POR: variants seen among roughly 807,000 people sequenced by gnomAD.
POR encodes the protein NADPH--cytochrome P450 reductase.
POR carries 56 observed loss-of-function variants against 84.0 expected under a neutral mutation model. The ratio of observed to expected loss-of-function variants is 0.67; its 90% CI spans 0.54 to 0.83. POR has a LOEUF of 0.83. Among genes scored for constraint, POR ranks in the 40% least tolerant of loss-of-function variants. The probability of loss-of-function intolerance (pLI) is 0.00; values close to 1 mark genes in which losing one functional copy is unlikely to be tolerated. For synonymous variants in POR, 414 were observed against 400.5 expected, an observed-to-expected ratio of 1.03 and a Z score of -0.40; for missense variants, 938 against 944.3, an observed-to-expected ratio of 0.99 and a Z score of 0.09.
At chr7:75,970,414 C>T (rs1441634697) in intron 2 of POR, among the ~76,000 whole-genome samples, 23 of 150,628 alleles carry the variant, frequency 1.5e-4, no homozygotes, top group Non-Finnish European at 5.9e-5. Context: ...GTGAGATCAT[C>T]GCCCACTGCA....
chr7:75,972,520 A>G, intron 3 of POR, 59 bp downstream of exon 3: 2 of 1,479,810 alleles, frequency 1.4e-6, no homozygotes, highest in Non-Finnish European at 1.9e-6. Context: ...TGGGCATGTA[A>G]TCAAGTCTAG....
chr7:75,983,351 A>AG, intron 8 of POR, 169 bp from the exon 9 acceptor site: 1 of 568,752 alleles, frequency 1.8e-6, no homozygotes. Context: ...AAAAAAAAAA[A>AG]AGAGAACTGC....
chr7:75,958,645 T>G (rs782445296), intron 2 of POR, among the ~76,000 whole-genome samples: 12 of 152,064 alleles, frequency 7.9e-5, no homozygotes, highest in Non-Finnish European at 1.5e-4. Flanking sequence ...GCTCCTAATT[T>G]AGTGTTAATA....
chr7:75,984,059 C>T (rs1789252695), intron 10 of POR, among the ~76,000 whole-genome samples: 1 of 152,198 alleles, frequency 6.6e-6, no homozygotes, highest in Admixed American at 6.5e-5. Flanking sequence ...TCGGGGTTCC[C>T]CCTACCCCGT....
chr7:75,973,360 C>T (rs1554556443), intron 3 of POR, among the ~76,000 whole-genome samples: 1 of 152,178 alleles, frequency 6.6e-6, no homozygotes, highest in Non-Finnish European at 1.5e-5. Flanking sequence ...GTTGCCCAGG[C>T]TGGAGTGCAG....
intron 1 of POR, chr7:75,923,411 G>A: frequency 3.0e-6 from 2 of 677,776 alleles, no homozygotes; most frequent in African/African-American, 1.8e-5. Context: ...TCTTGGGGGT[G>A]TGTGCATCAA....
At chr7:75,969,567 C>T (rs1255846465) in intron 2 of POR, among the ~76,000 whole-genome samples, 4 of 152,214 alleles carry the variant, frequency 2.6e-5, no homozygotes, top group Admixed American at 2.0e-4. Context: ...CTGGAGTTTG[C>T]TCTTGTCCTT....
At chr7:75,920,752 T>C (rs534586508) in intron 1 of POR, among the ~76,000 whole-genome samples, 1 of 152,244 alleles carries the variant, frequency 6.6e-6, no homozygotes, top group East Asian at 1.9e-4. Flanking sequence ...TAGGAACACG[T>C]GAACTACGGT....
chr7:75,972,787 C>T (rs1403299985), intron 3 of POR: 3 of 379,794 alleles, frequency 7.9e-6, no homozygotes, highest in African/African-American at 2.1e-5. Context: ...GAGCTGCGGT[C>T]GTGGCACCAC....
At chr7:75,960,687 A>G (rs1363896310) in intron 2 of POR, among the ~76,000 whole-genome samples, 1 of 151,956 alleles carries the variant, frequency 6.6e-6, no homozygotes, top group Non-Finnish European at 1.5e-5. Flanking sequence ...ACAACACCGC[A>G]TGGCGTGCCC....
In POR at chr7:75,986,193, A is replaced by G. The variant is rs369733862; in HGVS notation, c.1850A>G (p.Glu617Gly). 1 of 1,612,378 alleles carries G rather than the reference A, an allele frequency of 6.2e-7. No individual in the cohort carries two copies. Among genetic ancestry groups the G allele is most frequent in the Non-Finnish European group, 8.5e-7 (1 of 1,179,720 alleles). The change falls in exon 15 of 16, where the codon GAG becomes GGG. Residue 617 changes from glutamate (E) to glycine (G), a missense_variant. Coordinates refer to ENST00000461988, the MANE Select transcript of POR (RefSeq NM_000941.3). Reference sequence around the variant, plus strand: ...CAGCACCTGCTAAAGCAAGACCGAGAGCACCTGTGGAAGTTGATCGAAGGC... The same window carrying G: ...CAGCACCTGCTAAAGCAAGACCGAGGGCACCTGTGGAAGTTGATCGAAGGC...
At position 75,986,594 on chromosome 7, in the gene POR, AGT is replaced by A; in HGVS notation, c.*115_*116del. On this transcript the variant is annotated 3_prime_UTR_variant, in exon 16 of 16. Transcript: ENST00000461988. ...TTGGCCTTGGCATGGGCGCAGGCCC[AGT>A]GACAAAGACTCCTCTGGGCCTGGGG... The A allele has an allele frequency of 7.4e-7, 1 of 1,356,388 alleles. No individual in the cohort carries two copies. The highest frequency in any genetic ancestry group is 1.0e-6 in the Non-Finnish European group (1 of 1,002,296). 84.0% of individuals were successfully genotyped at this position (1,356,388 alleles called of 1,614,324 possible). A position where few individuals can be genotyped will look rare whatever the true frequency, so the allele number is the denominator to read the frequency against.
At chr7:75,972,316 A>G (rs1554556263) in intron 2 of POR, 97 bp from the exon 3 acceptor site, 1 of 1,084,106 alleles carries the variant, frequency 9.2e-7, no homozygotes. Flanking sequence ...CTGCCACAGC[A>G]TCCCATGAAA....
intron 2 of POR, among the ~76,000 whole-genome samples, chr7:75,965,867 C>T (rs782156508): frequency 6.6e-6 from 1 of 152,112 alleles, no homozygotes; most frequent in African/African-American, 2.4e-5. Context: ...CCTGAGGACA[C>T]GGCCCCAGGA....
Position 75,982,314 on chromosome 7 carries a change from C to T in POR, c.822C>T (p.Asn274=), listed in dbSNP as rs1348698902. 5 of 1,611,186 alleles carry T rather than the reference C, an allele frequency of 3.1e-6. No individual in the cohort carries two copies. The highest frequency in any genetic ancestry group is 1.7e-4 in the Middle Eastern group (1 of 6,060). ...TGGGCCGGCTGAAGAGCTACGAGAA[C>T]CAGAAGCCGTGAGTGGAGGGAGCGT... The change falls in exon 8 of 16, where the codon AAC becomes AAT. Residue 274 remains asparagine (N), a synonymous_variant. Transcript: ENST00000461988.
intron 3 of POR, among the ~76,000 whole-genome samples, chr7:75,973,186 T>C (rs562367301): frequency 6.6e-6 from 1 of 152,162 alleles, no homozygotes; most frequent in Non-Finnish European, 1.5e-5. Context: ...AAACATCCAC[T>C]ATTCAGTGGA....
At chr7:75,981,889 C>T in intron 7 of POR, 1 of 572,940 alleles carries the variant, frequency 1.7e-6, no homozygotes, top group South Asian at 2.2e-5. Flanking sequence ...TAAAATCTGC[C>T]TCCACAGACT....
In POR at chr7:75,957,160, C is replaced by T. The variant is rs960743890; in HGVS notation, c.188+2980C>T. 3.3e-5 allele frequency among the ~76,000 whole-genome samples: 5 copies of T among 152,128 alleles called. No individual in the cohort carries two copies. The East Asian group carries it at 9.6e-4, about 29-fold the overall frequency. ...GCTCTCAGAGAGGTTATGGGATGTG[C>T]CCAGGGCACAGGCTGGAGAGACAGG... On this transcript the variant is annotated intron_variant, in intron 2 of 15. Transcript: ENST00000461988.
chr7:75,943,769 A>C (rs782463502), intron 1 of POR: 32 of 459,906 alleles, frequency 7.0e-5, no homozygotes, highest in Non-Finnish European at 1.1e-4. Flanking sequence ...TAGATTCATC[A>C]AGAGCCAAGG....
Sources: allele counts gnomAD v4.1 joint callset (sites outside exome capture counted in the v4.1 genomes callset), GRCh38; gene constraint gnomAD v4.1.1; transcripts MANE v1.5; gene names NCBI Gene and HGNC (gene_info 2026-07-23, HGNC 2026-07-21).